Variants in CD2AP observed in about 807,000 individuals in gnomAD.
CD2AP encodes the protein CD2-associated protein.
A neutral mutation model predicts 85.1 loss-of-function variants in CD2AP; 46 were observed. The ratio of observed to expected loss-of-function variants is 0.54; its 90% confidence interval spans 0.43 to 0.69. CD2AP has a LOEUF of 0.69. Ranked by LOEUF, CD2AP falls within the 30% of genes least tolerant of loss-of-function variation. CD2AP has a pLI of 0.00. For missense variants in CD2AP, 769 were observed against 729.5 expected (o/e 1.05, Z -0.62); for synonymous variants, 255 against 252.9 (o/e 1.01, Z -0.08).
intron 11 of CD2AP, among the ~76,000 whole-genome samples, chr6:47,584,493 AT>A (rs1211487077): frequency 6.6e-6 from 1 of 150,914 alleles, no homozygotes; most frequent in East Asian, 1.9e-4. Flanking sequence ...CAGTTTTCAG[AT>A]AAAAATCAAA....
In CD2AP at chr6:47,609,513, CA is replaced by C. The variant is rs10580796; in HGVS notation, c.1814+227del. The C allele has an allele frequency of 0.23, 32,580 of 141,382 alleles. 3,341 individuals are homozygous for C. The highest frequency in any genetic ancestry group is 0.46 in the East Asian group (2,770 of 6,082). The allele number at this position is 141,382 out of a possible 1,614,324, so 8.8% of individuals were successfully genotyped here. ...ACGACATGACAAAACCCCATCTTTGCAAAAAAAAAAAAAAAAAAGAAAAGAA... is the reference window on the plus strand; with the variant it reads ...ACGACATGACAAAACCCCATCTTTGCAAAAAAAAAAAAAAAAAGAAAAGAA... On this transcript the variant is annotated intron_variant, in intron 16 of 17. Coordinates refer to ENST00000359314, the MANE Select transcript of CD2AP (RefSeq NM_012120.3).
chr6:47,516,697 T>G (rs1766461114), intron 2 of CD2AP, among the ~76,000 whole-genome samples: 1 of 152,226 alleles, frequency 6.6e-6, no homozygotes, highest in African/African-American at 2.4e-5. Context: ...ATTTATATAC[T>G]TCCCATTTTT....
chr6:47,532,749 A>C (rs570709159), intron 2 of CD2AP, among the ~76,000 whole-genome samples: 1 of 152,240 alleles, frequency 6.6e-6, no homozygotes, highest in South Asian at 2.1e-4. Flanking sequence ...GTTCTGTATA[A>C]ATTTAGAAAC....
chr6:47,491,529 G>T (rs1478998818), intron 1 of CD2AP, among the ~76,000 whole-genome samples: 2 of 152,190 alleles, frequency 1.3e-5, no homozygotes, highest in East Asian at 3.9e-4. Context: ...GACAGACTCA[G>T]TTAGATGCCA....
chr6:47,622,230 A>C (rs1460211817), intron 17 of CD2AP, among the ~76,000 whole-genome samples: 1 of 152,176 alleles, frequency 6.6e-6, no homozygotes, highest in Non-Finnish European at 1.5e-5. Flanking sequence ...ACAGTGGGCG[A>C]GATGGGCTTG....
At chr6:47,517,133 C>T (rs894939002) in intron 2 of CD2AP, among the ~76,000 whole-genome samples, 2 of 152,102 alleles carry the variant, frequency 1.3e-5, no homozygotes, top group African/African-American at 2.4e-5. Flanking sequence ...TGGAACCTCC[C>T]TCCTCTTTCT....
intron 3 of CD2AP, among the ~76,000 whole-genome samples, chr6:47,541,175 G>T (rs1163728751): frequency 6.6e-6 from 1 of 152,112 alleles, no homozygotes; most frequent in Non-Finnish European, 1.5e-5. Flanking sequence ...CCAGGCTGGA[G>T]TGCAGTGGCA....
chr6:47,552,137 T>C (rs1767544677), intron 4 of CD2AP, among the ~76,000 whole-genome samples: 1 of 152,070 alleles, frequency 6.6e-6, no homozygotes, highest in African/African-American at 2.4e-5. Flanking sequence ...GTCTGTTTTT[T>C]TTAAATTTTT....
chr6:47,555,105 T>TA (rs1236994010), intron 5 of CD2AP, among the ~76,000 whole-genome samples: 1 of 152,222 alleles, frequency 6.6e-6, no homozygotes, highest in Non-Finnish European at 1.5e-5. Flanking sequence ...GCCTGTTTAA[T>TA]ACTTCAGAAA....
intron 1 of CD2AP, among the ~76,000 whole-genome samples, chr6:47,501,473 G>T (rs1040390972): frequency 7.9e-5 from 12 of 152,266 alleles, no homozygotes; most frequent in Middle Eastern, 3.4e-3. Flanking sequence ...TAACTCCCTG[G>T]GGCTGAGAGA....
At position 47,625,234 on chromosome 6, in the gene CD2AP, G is replaced by C. The variant is rs974877840; in HGVS notation, c.*1007G>C. The C allele has an allele frequency of 3.3e-5, 5 of 151,834 alleles. No homozygotes were observed. The highest frequency in any genetic ancestry group is 1.2e-4 in the African/African-American group (5 of 41,398). The allele number at this position is 151,834 out of a possible 1,614,324, so 9.4% of individuals were successfully genotyped here. On this transcript the variant is annotated 3_prime_UTR_variant, in exon 18 of 18. Transcript: ENST00000359314. ...AAACCCAAAGCTTTTCAGAACTTCA[G>C]TGTGAGGTTTCCTATTTTGACAAGT...
chr6:47,519,615 A>G lies in CD2AP; in HGVS notation c.166-13987A>G, dbSNP rs535257192. Among the ~76,000 whole-genome samples, 31 of 152,298 alleles carry G rather than the reference A, an allele frequency of 2.0e-4. No individual in the cohort carries two copies. The South Asian group carries it at 5.8e-3, about 29-fold the overall frequency. On this transcript the variant is annotated intron_variant, in intron 2 of 17. Transcript: ENST00000359314. ...TACCTGTTAGGATTGTTTGGTAGCA[A>G]TTAGATTTTGTGTGTCTATTCCTTG...
chr6:47,502,311 CT>C lies in CD2AP; in HGVS notation c.5-957del, dbSNP rs563351095. On this transcript the variant is annotated intron_variant, in intron 1 of 17. Transcript: ENST00000359314. ...TACAATTCATTGTCTTTTTCATTAT[CT>C]TTTTTTTTTTTATTTGAGTCTGTTG... Among the ~76,000 whole-genome samples the C allele has an allele frequency of 6.2e-3, 902 of 146,284 alleles. 10 individuals are homozygous for C. Among genetic ancestry groups the C allele is most frequent in the African/African-American group, 0.018 (718 of 40,072 alleles).
rs1305595635 is a variant in CD2AP, at chr6:47,624,656, A to G, written c.*429A>G. On this transcript the variant is annotated 3_prime_UTR_variant, in exon 18 of 18. Transcript: ENST00000359314. ...AGTAACTATAGTCACTACTTTTTCC[A>G]TAATGCATAAGGGATATAAACTCTG... 5.6e-6 allele frequency: 1 copy of G among 178,726 alleles called. No individual in the cohort carries two copies. Among genetic ancestry groups the G allele is most frequent in the Admixed American group, 5.6e-5 (1 of 17,784 alleles). 11.1% of individuals were successfully genotyped at this position (178,726 alleles called of 1,614,324 possible).
rs751278706 is a variant in CD2AP at position 47,503,272 on chromosome 6, T to G, written c.5-8T>G. 15 of 1,611,776 alleles carry G rather than the reference T, an allele frequency of 9.3e-6. No individual in the cohort carries two copies. The highest frequency in any genetic ancestry group is 1.3e-5 in the Non-Finnish European group (15 of 1,178,256). On this transcript the variant is annotated splice_region_variant and splice_polypyrimidine_tract_variant and intron_variant, in intron 1 of 17. Transcript: ENST00000359314. The stretch of plus-strand genomic sequence containing the variant: ...TTTTAGACATTTCGTTTTTTCCCCC[T>G]TTTTTAGTTGACTATATTGTGGAGT...
intron 4 of CD2AP, among the ~76,000 whole-genome samples, chr6:47,545,859 G>T (rs11969792): frequency 0.31 from 47,686 of 151,832 alleles, 8,638 homozygotes; most frequent in Middle Eastern, 0.52. Flanking sequence ...AAACTGAACA[G>T]CCTTGAGCCC....
intron 2 of CD2AP, among the ~76,000 whole-genome samples, chr6:47,529,269 C>T (rs889097683): frequency 7.9e-6 from 1 of 126,984 alleles, no homozygotes; most frequent in African/African-American, 3.0e-5. Flanking sequence ...TGTTCAGTGT[C>T]GTTTTGTTGT....
intron 11 of CD2AP, among the ~76,000 whole-genome samples, chr6:47,586,002 C>T (rs1582592541): frequency 6.6e-6 from 1 of 152,068 alleles, no homozygotes; most frequent in African/African-American, 2.4e-5. Flanking sequence ...GTAAAAATCA[C>T]GGCGTCCATT....
At chr6:47,569,292 G>A (rs574581072) in intron 5 of CD2AP, among the ~76,000 whole-genome samples, 5 of 152,212 alleles carry the variant, frequency 3.3e-5, no homozygotes, top group Admixed American at 1.3e-4. Context: ...TATCCAGAAG[G>A]TGGAGGAAAT....
Sources: gnomAD v4.1 joint callset for allele counts (sites outside exome capture counted in the v4.1 genomes callset) on GRCh38, gnomAD v4.1.1 for gene constraint, MANE v1.5 for transcripts, NCBI Gene and HGNC (gene_info 2026-07-23, HGNC 2026-07-21) for gene names.